Variants in GOPC observed in about 807,000 individuals in gnomAD.
The protein encoded by GOPC is golgi associated PDZ and coiled-coil motif containing.
In GOPC, 32 loss-of-function variants were observed where a neutral mutation model predicts 51.2. That is an observed-to-expected ratio of 0.63 (90% CI 0.47 to 0.84). The LOEUF is 0.84. Among genes scored for constraint, GOPC ranks in the 40% least tolerant of loss-of-function variants. GOPC has a pLI of 0.00. For synonymous variants in GOPC, 190 were observed against 205.1 expected, an observed-to-expected ratio of 0.93 and a Z score of 0.63; for missense variants, 441 against 555.5, an observed-to-expected ratio of 0.79 and a Z score of 2.07.
chr6:117,570,239 A>T (rs1779782616), intron 6 of GOPC, among the ~76,000 whole-genome samples: 1 of 151,932 alleles, frequency 6.6e-6, no homozygotes, highest in Admixed American at 6.6e-5. Flanking sequence ...GCACATAAAA[A>T]AAAAAAAGGT....
rs185519410 is a variant in GOPC at position 117,601,965 on chromosome 6, T to C, written c.285+39A>G. 5.6e-4 allele frequency: 894 copies of C among 1,600,574 alleles called. 1 individual carries two copies. The African/African-American group carries it at 0.011, about 20-fold the overall frequency. The stretch of plus-strand genomic sequence containing the variant: ...TGGCATCTGACGCCACCGGGCAGCC[T>C]GGGGTTGGATGCCATAGCCGCCAGC... On this transcript the variant is annotated intron_variant, in intron 1 of 8. Transcript: ENST00000368498.
chr6:117,590,571 C>CAAAAAAAA (rs563071906), intron 1 of GOPC, among the ~76,000 whole-genome samples: 33 of 69,178 alleles, frequency 4.8e-4, no homozygotes, highest in Non-Finnish European at 6.4e-4. Context: ...GACCCTGTCT[C>CAAAAAAAA]AAAAAAAAAA....
intron 6 of GOPC, among the ~76,000 whole-genome samples, chr6:117,570,099 T>C (rs896023440): frequency 6.6e-6 from 1 of 152,102 alleles, no homozygotes; most frequent in Non-Finnish European, 1.5e-5. Context: ...TGAAAATATA[T>C]GCAATGTAGA....
intron 1 of GOPC, among the ~76,000 whole-genome samples, chr6:117,582,665 T>C (rs921973086): frequency 5.3e-5 from 8 of 150,306 alleles, no homozygotes; most frequent in African/African-American, 2.0e-4. Context: ...GCCCTTCCCA[T>C]CCCCTTTCCA....
intron 7 of GOPC, 38 bp downstream of exon 7, chr6:117,569,534 T>C (rs201606790): frequency 1.2e-6 from 2 of 1,605,168 alleles, no homozygotes; most frequent in Non-Finnish European, 8.5e-7. Context: ...TCATAACCAA[T>C]TGATAGATCC....
At chr6:117,591,362 A>G (rs745390765) in intron 1 of GOPC, among the ~76,000 whole-genome samples, 2 of 152,256 alleles carry the variant, frequency 1.3e-5, no homozygotes, top group Non-Finnish European at 2.9e-5. Context: ...AAAGCATTTG[A>G]TGGTTCAAAC....
chr6:117,568,259 A>G (rs762921308), intron 7 of GOPC, among the ~76,000 whole-genome samples: 15 of 152,150 alleles, frequency 9.9e-5, no homozygotes, highest in Non-Finnish European at 1.9e-4. Flanking sequence ...CCAAGCTATA[A>G]TTGTCATTTA....
At chr6:117,574,350 G>C (rs553114291) in intron 4 of GOPC, among the ~76,000 whole-genome samples, 3 of 151,846 alleles carry the variant, frequency 2.0e-5, no homozygotes, top group Non-Finnish European at 2.9e-5. Context: ...GACATTAAAA[G>C]AATATGCACA....
At chr6:117,593,302 C>G (rs4946268) in intron 1 of GOPC, among the ~76,000 whole-genome samples, 45,478 of 151,798 alleles carry the variant, frequency 0.3, 7,515 homozygotes, top group African/African-American at 0.42. Context: ...CTGTCTGCTC[C>G]CATTCTCTCC....
At chr6:117,568,026 CAAAAAAAA>C (rs779227271) in intron 7 of GOPC, among the ~76,000 whole-genome samples, 1 of 46,662 alleles carries the variant, frequency 2.1e-5, no homozygotes, top group Non-Finnish European at 4.6e-5. Flanking sequence ...CCCATCTCTA[CAAAAAAAA>C]AAAAAAAAAA....
intron 4 of GOPC, among the ~76,000 whole-genome samples, chr6:117,574,322 G>C (rs1182296093): frequency 1.3e-5 from 2 of 150,842 alleles, no homozygotes; most frequent in Non-Finnish European, 3.0e-5. Context: ...TTTTTTCTTT[G>C]TTCCATGTTT....
At chr6:117,582,946 G>T (rs957056183) in intron 1 of GOPC, among the ~76,000 whole-genome samples, 4 of 151,982 alleles carry the variant, frequency 2.6e-5, no homozygotes, top group Non-Finnish European at 5.9e-5. Flanking sequence ...AAAAGGTGCA[G>T]TGAGCTGATA....
intron 1 of GOPC, among the ~76,000 whole-genome samples, chr6:117,595,662 G>T (rs1461216988): frequency 6.6e-6 from 1 of 152,096 alleles, no homozygotes; most frequent in Non-Finnish European, 1.5e-5. Flanking sequence ...CCACTCCTGA[G>T]TTACTTCATT....
Position 117,578,889 on chromosome 6 carries a change from A to C in GOPC, c.450+11T>G. ...TACATGCAAGGGCATGTCACTCTCT[A>C]AACTACTTACCAATTTTGCCTTAAT... On this transcript the variant is annotated intron_variant, in intron 2 of 8. Coordinates refer to ENST00000368498, the MANE Select transcript of GOPC (RefSeq NM_020399.4). 2 of 1,570,454 alleles carry C rather than the reference A, an allele frequency of 1.3e-6. No homozygotes were observed. Among genetic ancestry groups the C allele is most frequent in the Non-Finnish European group, 1.7e-6 (2 of 1,157,718 alleles).
At position 117,602,170 on chromosome 6, in the gene GOPC, T is replaced by G. The variant is rs1322534042; in HGVS notation, c.119A>C (p.Glu40Ala). The G allele has an allele frequency of 1.2e-6, 2 of 1,613,638 alleles. No homozygotes were observed. The highest frequency in any genetic ancestry group is 4.5e-5 in the East Asian group (2 of 44,862). Residue 40 changes from glutamate to alanine, a missense_variant, in exon 1 of 9, where the codon GAG becomes GCG. Physicochemically the swap from Glu to Ala is moderately radical, Grantham distance 107. Transcript: ENST00000368498. ...CACATCCACAAAAGCTTTGTCGAAC[T>G]CCTTCTCCAGCACCTCCAGCCACCG... is the stretch of plus-strand genomic sequence containing the variant. ...MFRWLEVLEKEFDKAFVDVDL... is the reference protein window; with the variant it reads ...MFRWLEVLEKAFDKAFVDVDL...
chr6:117,581,044 A>G (rs527970170), intron 1 of GOPC, among the ~76,000 whole-genome samples: 25 of 152,334 alleles, frequency 1.6e-4, no homozygotes, highest in African/African-American at 4.6e-4. Context: ...AGAAAAAGAT[A>G]AATTTAAGTT....
chr6:117,583,197 G>T (rs1779985284), intron 1 of GOPC, among the ~76,000 whole-genome samples: 1 of 152,206 alleles, frequency 6.6e-6, no homozygotes, highest in Admixed American at 6.5e-5. Flanking sequence ...CAGCCAGCCA[G>T]TTCTCATACT....
At chr6:117,577,621 A>G in intron 2 of GOPC, 150 bp from the exon 3 acceptor site, 1 of 619,426 alleles carries the variant, frequency 1.6e-6, no homozygotes, top group Non-Finnish European at 2.8e-6. Context: ...ATCTATAAAC[A>G]ATAGTAACTG....
chr6:117,571,002 A>T, intron 5 of GOPC, 47 bp from the exon 6 acceptor site: 1 of 926,722 alleles, frequency 1.1e-6, no homozygotes, highest in Non-Finnish European at 1.7e-6. Context: ...TTTAAATAGC[A>T]TACCAAATAG....
Sources: gnomAD v4.1 joint callset for allele counts (sites outside exome capture counted in the v4.1 genomes callset) on GRCh38, gnomAD v4.1.1 for gene constraint, MANE v1.5 for transcripts, NCBI Gene and HGNC (gene_info 2026-07-23, HGNC 2026-07-21) for gene names.